The following INPP5K variants were observed in gnomAD, a reference collection of about 807,000 sequenced individuals.
The protein encoded by INPP5K is inositol polyphosphate 5-phosphatase K.
Under a neutral mutation model 53.5 loss-of-function variants are expected in INPP5K, and 35 were observed. The ratio of observed to expected loss-of-function variants is 0.65; its 90% CI spans 0.50 to 0.87. The LOEUF is 0.87. Among genes scored for constraint, INPP5K ranks in the 40% least tolerant of loss-of-function variants. The pLI is 0.00. For synonymous variants in INPP5K, 253 were observed against 232.8 expected (o/e 1.09, Z -0.79); for missense variants, 550 against 586.2 (o/e 0.94, Z 0.64).
At position 1,507,031 on chromosome 17, in the gene INPP5K, A is replaced by T; in HGVS notation, c.725T>A (p.Leu242His). 6.2e-7 allele frequency: 1 copy of T among 1,614,046 alleles called. No homozygotes were observed. Residue 242 changes from leucine (L) to histidine (H), a missense_variant, in exon 7 of 12, where the codon CTC (leucine) becomes CAC (histidine). Physicochemically the swap from Leu to His is moderately conservative, Grantham distance 99 (BLOSUM62 -3). Coordinates refer to ENST00000421807, the MANE Select transcript of INPP5K (RefSeq NM_016532.4). ...LLREFQEGRL[L>H]FPPTYKFDRN... is the part of the protein sequence containing the mutation. ...ATCAAACTTGTAGGTGGGCGGGAAG[A>T]GTAGGCGGCCCTCCTGGAACTCCCG... is the stretch of plus-strand genomic sequence containing the variant.
chr17:1,516,329 G>T, intron 1 of INPP5K, 127 bp downstream of exon 1: 1 of 1,111,710 alleles, frequency 9.0e-7, no homozygotes, highest in Non-Finnish European at 1.3e-6. Flanking sequence ...AGGCGTGGGA[G>T]AAGGCGAGAG....
rs563035389 is a variant in INPP5K, at chr17:1,507,736, G to T, written c.666+379C>A. ...TTTTTTGTATTTTTAGTAGAGATGAGGTTTCTCCAAGTTGGTCAGGCTGGT... is the reference window on the plus strand; with the variant it reads ...TTTTTTGTATTTTTAGTAGAGATGATGTTTCTCCAAGTTGGTCAGGCTGGT... On this transcript the variant is annotated intron_variant, in intron 6 of 11. Coordinates refer to ENST00000421807, the MANE Select transcript of INPP5K (RefSeq NM_016532.4). 8.7e-4 allele frequency: 145 copies of T among 165,826 alleles called. 2 individuals carry two copies. The highest frequency in any genetic ancestry group is 5.0e-3 in the Admixed American group (83 of 16,644). 10.3% of individuals were successfully genotyped at this position (165,826 alleles called of 1,614,324 possible).
chr17:1,496,566 G>A, intron 9 of INPP5K, 100 bp downstream of exon 9: 1 of 1,494,608 alleles, frequency 6.7e-7, no homozygotes, highest in Non-Finnish European at 9.3e-7. Context: ...TGGGGTGGAT[G>A]AGGGTGAGTT....
At position 1,498,131 on chromosome 17, in the gene INPP5K, G is replaced by A; in HGVS notation, c.777-9C>T. ...GCTTGCGTTTTTTCTCACTGCAGGG[G>A]CAGGGGGCATAAAGAGGAAGAATGG... On this transcript the variant is annotated splice_polypyrimidine_tract_variant and intron_variant, in intron 7 of 11. Transcript: ENST00000421807. 2 of 1,588,756 alleles carry A rather than the reference G, an allele frequency of 1.3e-6. No homozygotes were observed. Among genetic ancestry groups the A allele is most frequent in the East Asian group, 2.3e-5 (1 of 44,326 alleles).
At chr17:1,497,898 T>G in intron 8 of INPP5K, 38 bp downstream of exon 8, 1 of 1,565,552 alleles carries the variant, frequency 6.4e-7, no homozygotes, top group Non-Finnish European at 8.8e-7. Flanking sequence ...CCAGCATAGC[T>G]ATTCCTCTGG....
intron 7 of INPP5K, among the ~76,000 whole-genome samples, chr17:1,498,449 C>T (rs186641982): frequency 2.6e-5 from 4 of 152,244 alleles, no homozygotes; most frequent in Non-Finnish European, 4.4e-5. Flanking sequence ...ATCAAAGCAG[C>T]TGAGGTTTGA....
chr17:1,516,350 C>T, intron 1 of INPP5K, 106 bp downstream of exon 1: 2 of 1,272,458 alleles, frequency 1.6e-6, no homozygotes, highest in Non-Finnish European at 2.2e-6. Flanking sequence ...CGCCTCTGAA[C>T]CAAAGGCAGT....
chr17:1,515,971 C>G (rs1241111752), intron 1 of INPP5K: 2 of 992,198 alleles, frequency 2.0e-6, no homozygotes, highest in African/African-American at 3.5e-5. Context: ...AGCATCGTGA[C>G]TTAGACTAAG....
At chr17:1,497,270 C>T (rs969336259) in intron 8 of INPP5K, among the ~76,000 whole-genome samples, 3 of 152,116 alleles carry the variant, frequency 2.0e-5, no homozygotes, top group African/African-American at 7.2e-5. Flanking sequence ...CCCAGGAGTT[C>T]GAGACTAGCC....
intron 9 of INPP5K, 101 bp downstream of exon 9, chr17:1,496,565 T>A: frequency 6.7e-7 from 1 of 1,492,354 alleles, no homozygotes; most frequent in Non-Finnish European, 9.3e-7. Flanking sequence ...CTGGGGTGGA[T>A]GAGGGTGAGT....
At chr17:1,509,846 A>G in intron 3 of INPP5K, 47 bp from the exon 4 acceptor site, 1 of 1,156,336 alleles carries the variant, frequency 8.6e-7, no homozygotes, top group Non-Finnish European at 1.3e-6. Context: ...CACACAGGCC[A>G]AGTGCATCCC....
chr17:1,499,884 A>G (rs1398570514), intron 7 of INPP5K, among the ~76,000 whole-genome samples: 1 of 152,244 alleles, frequency 6.6e-6, no homozygotes, highest in Non-Finnish European at 1.5e-5. Flanking sequence ...ACAGGGTCTC[A>G]CACACTCTAT....
At chr17:1,508,412 C>T (rs2075216688) in intron 5 of INPP5K, 186 bp from the exon 6 acceptor site, 5 of 588,584 alleles carry the variant, frequency 8.5e-6, no homozygotes, top group Middle Eastern at 4.7e-4. Context: ...ACCATTCAAA[C>T]CGGAGAGACC....
intron 8 of INPP5K, among the ~76,000 whole-genome samples, chr17:1,497,334 G>A (rs548621432): frequency 6.6e-6 from 1 of 152,286 alleles, no homozygotes; most frequent in African/African-American, 2.4e-5. Flanking sequence ...AGCCAGGCGT[G>A]GTGGCGTGCA....
At chr17:1,503,392 A>G (rs9894391) in intron 7 of INPP5K, among the ~76,000 whole-genome samples, 141,463 of 151,962 alleles carry the variant, frequency 0.93, 65,943 homozygotes, top group African/African-American at 0.98. Flanking sequence ...CACCGTGTTC[A>G]CCAGGATGGT....
In INPP5K at chr17:1,498,089, G is replaced by A; in HGVS notation, c.810C>T (p.Arg270=). 1 of 1,613,720 alleles carries A rather than the reference G, an allele frequency of 6.2e-7. No homozygotes were observed. Among genetic ancestry groups the A allele is most frequent in the Non-Finnish European group, 8.5e-7 (1 of 1,179,788 alleles). The change falls in exon 8 of 12, where the codon CGC becomes CGT. Residue 270 remains arginine (R), a synonymous_variant. Coordinates refer to ENST00000421807, the MANE Select transcript of INPP5K (RefSeq NM_016532.4). ...GCTGCCGCTTCAGCCTCCACAGGAT[G>A]CGATCGGTCCATGCAGGCTTGCGTT... ...EKKRKPAWTD[R]ILWRLKRQPC...
At chr17:1,500,662 C>A (rs1038010988) in intron 7 of INPP5K, among the ~76,000 whole-genome samples, 2 of 152,118 alleles carry the variant, frequency 1.3e-5, no homozygotes, top group Non-Finnish European at 2.9e-5. Flanking sequence ...CCGCGCCCGG[C>A]CACTGAAACA....
At position 1,513,476 on chromosome 17, in the gene INPP5K, G is replaced by C. The variant is rs1326361117; in HGVS notation, c.238C>G (p.Leu80Val). ...ACCTTGATGAAGCTCAGAGGGGAAA[G>C]CACATCCATGAGGAAACTGCTCCAC... is the stretch of plus-strand genomic sequence containing the variant. Reference protein sequence around the residue: ...DSWSSFLMDVLSPLSFIKVSH... With the variant: ...DSWSSFLMDVVSPLSFIKVSH... Residue 80 changes from leucine to valine, a missense_variant, in exon 3 of 12, where the codon CTT (leucine) becomes GTT (valine). Transcript: ENST00000421807. 1 of 1,614,060 alleles carries C rather than the reference G, an allele frequency of 6.2e-7. No individual in the cohort carries two copies. The highest frequency in any genetic ancestry group is 8.5e-7 in the Non-Finnish European group (1 of 1,180,004).
intron 8 of INPP5K, 64 bp downstream of exon 8, chr17:1,497,872 G>A (rs2074898188): frequency 7.1e-7 from 1 of 1,412,764 alleles, no homozygotes; most frequent in South Asian, 1.3e-5. Flanking sequence ...CAGGGATGGA[G>A]GGCTTGGGGA....
Sources: allele counts gnomAD v4.1 joint callset (sites outside exome capture counted in the v4.1 genomes callset), GRCh38; gene constraint gnomAD v4.1.1; transcripts MANE v1.5; gene names NCBI Gene and HGNC (gene_info 2026-07-23, HGNC 2026-07-21).